Variants in PCSK2 observed in about 807,000 individuals in gnomAD.
PCSK2 encodes the protein neuroendocrine convertase 2.
In PCSK2, 14 loss-of-function variants were observed where a neutral mutation model predicts 69.7. That is an observed-to-expected ratio of 0.20 (90% CI 0.13 to 0.31). PCSK2 has a LOEUF of 0.31. Ranked by LOEUF, PCSK2 falls within the 10% of genes least tolerant of loss-of-function variation. PCSK2 has a pLI of 1.00. For synonymous variants in PCSK2, 307 were observed against 320.7 expected (o/e 0.96, Z 0.46); for missense variants, 544 against 842.5 (o/e 0.65, Z 4.39).
chr20:17,341,780 C>G (rs1024843071), intron 2 of PCSK2, among the ~76,000 whole-genome samples: 8 of 152,166 alleles, frequency 5.3e-5, no homozygotes, highest in African/African-American at 1.9e-4. Context: ...GGGACAGACA[C>G]AAGAGTAGAA....
At chr20:17,479,227 C>T (rs2033345937) in intron 11 of PCSK2, 2 of 1,305,896 alleles carry the variant, frequency 1.5e-6, no homozygotes, top group African/African-American at 1.5e-5. Flanking sequence ...TGGACCACTG[C>T]ACATTTCACA....
At chr20:17,288,480 G>A (rs1988592226) in intron 2 of PCSK2, among the ~76,000 whole-genome samples, 1 of 152,218 alleles carries the variant, frequency 6.6e-6, no homozygotes, top group East Asian at 1.9e-4. Flanking sequence ...ACTAATGGCT[G>A]CAGCAATGCC....
chr20:17,461,670 T>C lies in PCSK2; in HGVS notation c.1203-3656T>C, dbSNP rs542318038. Reference sequence around the variant, plus strand: ...CTGACTTTAAATTACTTTTGCTGCCTTGATCATTAGGAGGAAAATGTTAAT... The same window carrying C: ...CTGACTTTAAATTACTTTTGCTGCCCTGATCATTAGGAGGAAAATGTTAAT... On this transcript the variant is annotated intron_variant, in intron 10 of 11. Coordinates refer to ENST00000262545, the MANE Select transcript of PCSK2 (RefSeq NM_002594.5). 2.0e-5 allele frequency among the ~76,000 whole-genome samples: 3 copies of C among 152,346 alleles called. No homozygotes were observed. In the East Asian group the frequency reaches 5.8e-4, roughly 29 times the overall value.
At chr20:17,338,717 A>G (rs1474519332) in intron 2 of PCSK2, among the ~76,000 whole-genome samples, 1 of 152,162 alleles carries the variant, frequency 6.6e-6, no homozygotes, top group African/African-American at 2.4e-5. Context: ...GGTCATTCCC[A>G]GGGAGAGGGA....
intron 5 of PCSK2, among the ~76,000 whole-genome samples, chr20:17,370,852 T>G (rs1211988312): frequency 6.6e-6 from 1 of 152,228 alleles, no homozygotes; most frequent in East Asian, 1.9e-4. Flanking sequence ...TGAGAAGTGC[T>G]GCATTGCATT....
At chr20:17,462,250 T>C (rs2033026268) in intron 10 of PCSK2, among the ~76,000 whole-genome samples, 1 of 151,866 alleles carries the variant, frequency 6.6e-6, no homozygotes, top group Non-Finnish European at 1.5e-5. Context: ...ATCCATGGAA[T>C]CAAAACCTCT....
chr20:17,303,219 C>T lies in PCSK2; in HGVS notation c.282+42875C>T, dbSNP rs1026681570. On this transcript the variant is annotated intron_variant, in intron 2 of 11. Transcript: ENST00000262545. ...TTTATATTATTATAATATAACCATA[C>T]ATATCTATTTCATATATTATAGATA... 1.1e-4 allele frequency among the ~76,000 whole-genome samples: 16 copies of T among 141,326 alleles called. No individual in the cohort carries two copies. In the South Asian group the frequency reaches 3.1e-3, roughly 27 times the overall value. 92.7% of individuals were successfully genotyped at this position (141,326 alleles called of 152,430 possible).
intron 6 of PCSK2, among the ~76,000 whole-genome samples, chr20:17,412,987 A>AT (rs1292013127): frequency 1.3e-5 from 2 of 152,170 alleles, no homozygotes; most frequent in Non-Finnish European, 2.9e-5. Context: ...ATGCTGAGAG[A>AT]TTTTGTCACC....
At chr20:17,294,328 G>A (rs1182521071) in intron 2 of PCSK2, among the ~76,000 whole-genome samples, 1 of 151,546 alleles carries the variant, frequency 6.6e-6, no homozygotes. Context: ...GGATGGTCTC[G>A]ATCTCCTGAC....
chr20:17,382,656 C>T (rs1419397523), intron 5 of PCSK2, among the ~76,000 whole-genome samples: 3 of 152,158 alleles, frequency 2.0e-5, no homozygotes, highest in Non-Finnish European at 4.4e-5. Context: ...TCACTTCCCT[C>T]CTGGACCCCA....
intron 2 of PCSK2, among the ~76,000 whole-genome samples, chr20:17,315,703 T>A (rs1989665905): frequency 6.6e-6 from 1 of 152,162 alleles, no homozygotes; most frequent in Non-Finnish European, 1.5e-5. Flanking sequence ...CTCTAGGCAG[T>A]GATTAAGTGA....
In PCSK2 at chr20:17,354,919, G is replaced by A. The variant is rs933045183; in HGVS notation, c.283-3408G>A. Among the ~76,000 whole-genome samples the A allele has an allele frequency of 2.0e-5, 3 of 152,112 alleles. No homozygotes were observed. In the East Asian group the frequency reaches 5.8e-4, roughly 29 times the overall value. ...TGTGGGGAAAAAAAAAAGTTTTCCA[G>A]TTATTTGTGTGTAACAAGTGAAAGC... On this transcript the variant is annotated intron_variant, in intron 2 of 11. Transcript: ENST00000262545.
chr20:17,390,553 G>T (rs371854077), intron 5 of PCSK2, among the ~76,000 whole-genome samples: 1 of 152,152 alleles, frequency 6.6e-6, no homozygotes, highest in African/African-American at 2.4e-5. Flanking sequence ...CTGCCCACCT[G>T]CTCACCTCCC....
chr20:17,404,342 T>C (rs1216778443), intron 5 of PCSK2, among the ~76,000 whole-genome samples: 2 of 152,234 alleles, frequency 1.3e-5, no homozygotes, highest in African/African-American at 4.8e-5. Context: ...GGCAAGTAAC[T>C]GCCACTCTCT....
intron 1 of PCSK2, among the ~76,000 whole-genome samples, chr20:17,236,913 G>T (rs187493631): frequency 1.3e-5 from 2 of 152,254 alleles, no homozygotes; most frequent in East Asian, 3.9e-4. Context: ...GAGGTGTTAG[G>T]ATGGGGGCTT....
At chr20:17,232,613 A>G (rs1308104798) in intron 1 of PCSK2, among the ~76,000 whole-genome samples, 2 of 152,198 alleles carry the variant, frequency 1.3e-5, no homozygotes, top group Non-Finnish European at 2.9e-5. Flanking sequence ...TATTTTGAAT[A>G]TTTGATACCA....
At chr20:17,478,118 T>C (rs2033323639) in intron 11 of PCSK2, among the ~76,000 whole-genome samples, 1 of 152,222 alleles carries the variant, frequency 6.6e-6, no homozygotes, top group Admixed American at 6.5e-5. Context: ...TAGGAGCAAC[T>C]CTTAAAATTA....
At chr20:17,237,865 G>A (rs1219064099) in intron 1 of PCSK2, among the ~76,000 whole-genome samples, 1 of 152,106 alleles carries the variant, frequency 6.6e-6, no homozygotes, top group African/African-American at 2.4e-5. Flanking sequence ...TAGAATATGT[G>A]CTTCAGAGTT....
chr20:17,364,940 T>G (rs2030542165), intron 4 of PCSK2, among the ~76,000 whole-genome samples: 1 of 152,264 alleles, frequency 6.6e-6, no homozygotes, highest in African/African-American at 2.4e-5. Flanking sequence ...TGCCCACATA[T>G]TGTGCTTTAC....
Sources: gnomAD v4.1 joint callset for allele counts (sites outside exome capture counted in the v4.1 genomes callset) on GRCh38, gnomAD v4.1.1 for gene constraint, MANE v1.5 for transcripts, NCBI Gene and HGNC (gene_info 2026-07-23, HGNC 2026-07-21) for gene names.